Variants in THAP3 observed in about 807,000 individuals in gnomAD.
THAP3 encodes the protein THAP domain-containing protein 3.
THAP3 carries 12 observed loss-of-function variants against 17.7 expected under a neutral mutation model. The ratio of observed to expected loss-of-function variants is 0.68; its 90% confidence interval spans 0.43 to 1.10. The LOEUF is 1.10. Among genes scored for constraint, THAP3 ranks in the 50% least tolerant of loss-of-function variants. THAP3 has a pLI of 0.00. For missense variants in THAP3, 289 were observed against 318.0 expected (o/e 0.91, Z 0.69); for synonymous variants, 133 against 126.9 (o/e 1.05, Z -0.32).
In THAP3 at chr1:6,633,436, G is replaced by A; in HGVS notation, c.*359G>A. 13 of 1,171,378 alleles carry A rather than the reference G, an allele frequency of 1.1e-5. No individual in the cohort carries two copies. The highest frequency in any genetic ancestry group is 1.4e-5 in the Non-Finnish European group (13 of 940,400). 72.6% of individuals were successfully genotyped at this position (1,171,378 alleles called of 1,614,324 possible). A position where few individuals can be genotyped will look rare whatever the true frequency, so the allele number is the denominator to read the frequency against. On this transcript the variant is annotated 3_prime_UTR_variant, in exon 6 of 6. Coordinates refer to ENST00000054650, the MANE Select transcript of THAP3 (RefSeq NM_001195753.2). ...CTCCTCAGGGAGGAAGCCATGTGAGGGGGCTGGCTCTGTGGCGGGTGAGTG... is the reference window on the plus strand; with the variant it reads ...CTCCTCAGGGAGGAAGCCATGTGAGAGGGCTGGCTCTGTGGCGGGTGAGTG...
intron 5 of THAP3, 51 bp downstream of exon 5, chr1:6,632,546 C>T (rs778507603): frequency 6.2e-7 from 1 of 1,609,762 alleles, no homozygotes; most frequent in South Asian, 1.1e-5. Flanking sequence ...ATGACTTGCT[C>T]CAAACAAAAT....
In THAP3 at chr1:6,633,298, A is replaced by G; in HGVS notation, c.*221A>G. On this transcript the variant is annotated 3_prime_UTR_variant, in exon 6 of 6. Coordinates refer to ENST00000054650, the MANE Select transcript of THAP3 (RefSeq NM_001195753.2). ...GCACTAGGAGTGCACATCTGTGAGC[A>G]TGACAAGCTTATCCTCCCATGGTAA... 1.4e-6 allele frequency: 2 copies of G among 1,417,828 alleles called. No individual in the cohort carries two copies. Among genetic ancestry groups the G allele is most frequent in the African/African-American group, 2.9e-5 (2 of 69,550 alleles). The allele number at this position is 1,417,828 out of a possible 1,614,324, so 87.8% of individuals were successfully genotyped here.
intron 2 of THAP3, chr1:6,628,152 G>T (rs148955268): frequency 8.5e-4 from 208 of 245,774 alleles, no homozygotes; most frequent in African/African-American, 4.2e-3. Context: ...TCATCACTGT[G>T]CCCCCGCTCC....
chr1:6,632,701 T>G, intron 5 of THAP3, 95 bp from the exon 6 acceptor site: 1 of 1,514,604 alleles, frequency 6.6e-7, no homozygotes, highest in East Asian at 2.3e-5. Context: ...CTAGCTGCCC[T>G]GGGGTTGTGC....
In THAP3 at chr1:6,624,894, A is replaced by C; in HGVS notation, c.-130A>C. ...CAGTTGTCCAAGCCTGTGAGTGGCT[A>C]TGCGTCCTGGTTGGGTGCTCAAAGC... On this transcript the variant is annotated 5_prime_UTR_variant, in exon 1 of 6. It removes an upstream start codon present in the reference 5' UTR. Transcript: ENST00000054650. 1.9e-5 allele frequency: 7 copies of C among 377,430 alleles called. No individual in the cohort carries two copies. The South Asian group carries it at 1.9e-4, about 10-fold the overall frequency. 23.4% of individuals were successfully genotyped at this position (377,430 alleles called of 1,614,324 possible).
chr1:6,634,509 C>T, downstream of THAP3: 1 of 1,351,618 alleles, frequency 7.4e-7, no homozygotes, highest in Non-Finnish European at 9.9e-7. Context: ...AGCTTGGGGC[C>T]CCCCGCGCCA....
intron 3 of THAP3, among the ~76,000 whole-genome samples, chr1:6,629,233 G>T (rs1294214861): frequency 6.6e-6 from 1 of 152,220 alleles, no homozygotes; most frequent in African/African-American, 2.4e-5. Flanking sequence ...CCTTGAGATC[G>T]CATGATAGGC....
intron 2 of THAP3, among the ~76,000 whole-genome samples, chr1:6,625,745 C>CGCCCGGCCCG (rs76033764): frequency 3.3e-5 from 5 of 150,482 alleles, no homozygotes; most frequent in South Asian, 2.1e-4. Flanking sequence ...CTCCAGCACT[C>CGCCCGGCCCG]GCCCGGCCCG....
Position 6,624,905 on chromosome 1 carries a change from T to G in THAP3, c.-119T>G. On this transcript the variant is annotated 5_prime_UTR_variant, in exon 1 of 6. Transcript: ENST00000054650. Reference sequence around the variant, plus strand: ...GCCTGTGAGTGGCTATGCGTCCTGGTTGGGTGCTCAAAGCAAGGAGGTGAA... The same window carrying G: ...GCCTGTGAGTGGCTATGCGTCCTGGGTGGGTGCTCAAAGCAAGGAGGTGAA... 1 of 401,248 alleles carries G rather than the reference T, an allele frequency of 2.5e-6. No homozygotes were observed. Among genetic ancestry groups the G allele is most frequent in the Non-Finnish European group, 4.5e-6 (1 of 220,144 alleles). The allele number at this position is 401,248 out of a possible 1,614,324, so 24.9% of individuals were successfully genotyped here.
rs1557450944 is a variant in THAP3 at position 6,625,153 on chromosome 1, C to T, written c.-66C>T. 10 of 1,497,092 alleles carry T rather than the reference C, an allele frequency of 6.7e-6. No individual in the cohort carries two copies. In the South Asian group the frequency reaches 7.3e-5, roughly 11 times the overall value. The allele number at this position is 1,497,092 out of a possible 1,614,324, so 92.7% of individuals were successfully genotyped here. A position where few individuals can be genotyped will look rare whatever the true frequency, so the allele number is the denominator to read the frequency against. On this transcript the variant is annotated 5_prime_UTR_variant, in exon 2 of 6. Coordinates refer to ENST00000054650, the MANE Select transcript of THAP3 (RefSeq NM_001195753.2). ...GCGGCCCCGCCCCTCCCCGCAGGTC[C>T]CTCCCCTCTCCGCAGGCCCCGCCGC...
At chr1:6,627,040 C>G (rs1641486250) in intron 2 of THAP3, among the ~76,000 whole-genome samples, 1 of 152,224 alleles carries the variant, frequency 6.6e-6, no homozygotes, top group Non-Finnish European at 1.5e-5. Context: ...TGATCGATTG[C>G]ATAGCATTTC....
downstream of THAP3, chr1:6,634,284 G>A: frequency 1.1e-6 from 1 of 880,014 alleles, no homozygotes; most frequent in Non-Finnish European, 1.7e-6. Flanking sequence ...GAAGCCCGGG[G>A]CCCAGGCTCA....
In THAP3 at chr1:6,628,483, G is replaced by T. The variant is rs576416121; in HGVS notation, c.75-16G>T. On this transcript the variant is annotated splice_polypyrimidine_tract_variant and intron_variant, in intron 2 of 5. Coordinates refer to ENST00000054650, the MANE Select transcript of THAP3 (RefSeq NM_001195753.2). Reference sequence around the variant, plus strand: ...CCAGCCTTGCTGGGCCTCACACCCCGTGCCTCTGCCCTTAGGTTTCCGTTC... The same window carrying T: ...CCAGCCTTGCTGGGCCTCACACCCCTTGCCTCTGCCCTTAGGTTTCCGTTC... The T allele has an allele frequency of 1.9e-6, 3 of 1,598,598 alleles. No homozygotes were observed. Among genetic ancestry groups the T allele is most frequent in the African/African-American group, 1.3e-5 (1 of 74,692 alleles).
chr1:6,632,240 G>A, intron 4 of THAP3, 151 bp from the exon 5 acceptor site: 2 of 998,650 alleles, frequency 2.0e-6, no homozygotes, highest in South Asian at 1.6e-5. Flanking sequence ...TCAGTTCCAG[G>A]GTGTGTGCTA....
rs1333726902 is a variant in THAP3, at chr1:6,632,453, A to G, written c.396A>G (p.Glu132=). The G allele has an allele frequency of 6.2e-7, 1 of 1,614,138 alleles. No homozygotes were observed. Among genetic ancestry groups the G allele is most frequent in the South Asian group, 1.1e-5 (1 of 91,088 alleles). Residue 132 remains glutamate (E), a synonymous_variant, in exon 5 of 6, where the codon GAA becomes GAG. Coordinates refer to ENST00000054650, the MANE Select transcript of THAP3 (RefSeq NM_001195753.2). ...SPGRNMDTAL[E]ELQLPPNAEG... Reference sequence around the variant, plus strand: ...GGAGAAACATGGACACTGCACTTGAAGAGCTTCAGTTGCCCCCAAATGCCG... The same window carrying G: ...GGAGAAACATGGACACTGCACTTGAGGAGCTTCAGTTGCCCCCAAATGCCG...
chr1:6,635,460 A>G (rs1641744286), downstream of THAP3: 1 of 546,900 alleles, frequency 1.8e-6, no homozygotes, highest in Non-Finnish European at 3.2e-6. Context: ...GCCAGGCTGC[A>G]GTCTGGTTCC....
rs1489841419 is a variant in THAP3 at position 6,625,254 on chromosome 1, C to T, written c.36C>T (p.Asn12=). ...PKSCAARQCC[N]RYSSRRKQLT... ...CGTGCGCGGCCCGGCAGTGCTGCAACCGCTACAGCAGCCGCAGGAAGCAGC... is the reference window on the plus strand; with the variant it reads ...CGTGCGCGGCCCGGCAGTGCTGCAATCGCTACAGCAGCCGCAGGAAGCAGC... Residue 12 remains asparagine, a synonymous_variant, in exon 2 of 6, where the codon AAC becomes AAT. Transcript: ENST00000054650. 14 of 1,545,376 alleles carry T rather than the reference C, an allele frequency of 9.1e-6. No individual in the cohort carries two copies. In the Admixed American group the frequency reaches 2.3e-4, roughly 26 times the overall value.
downstream of THAP3, chr1:6,634,562 C>T (rs1376540011): frequency 8.1e-6 from 11 of 1,365,596 alleles, no homozygotes; most frequent in East Asian, 2.3e-4. Flanking sequence ...TCCGAGGGGT[C>T]AGCAAGAGCA....
chr1:6,634,517 C>A, downstream of THAP3: 1 of 1,357,158 alleles, frequency 7.4e-7, no homozygotes. Context: ...GCCCCCCGCG[C>A]CAGCTGTCTC....
Sources: gnomAD v4.1 joint callset for allele counts (sites outside exome capture counted in the v4.1 genomes callset) on GRCh38, gnomAD v4.1.1 for gene constraint, MANE v1.5 for transcripts, NCBI Gene and HGNC (gene_info 2026-07-23, HGNC 2026-07-21) for gene names.